Variants in HCN1 observed in about 807,000 individuals in gnomAD.
HCN1 encodes the protein hyperpolarization activated cyclic nucleotide gated potassium channel 1.
A neutral mutation model predicts 78.9 loss-of-function variants in HCN1; 13 were observed. That is an observed-to-expected ratio of 0.16 (90% CI 0.11 to 0.26). The LOEUF (loss-of-function observed/expected upper bound fraction) is 0.26. Ranked by LOEUF, HCN1 falls within the 10% of genes least tolerant of loss-of-function variation. HCN1 has a pLI of 1.00. For synonymous variants in HCN1, 552 were observed against 455.5 expected (o/e 1.21, Z -2.70); for missense variants, 810 against 1,154.3 (o/e 0.70, Z 4.32).
At chr5:45,378,261 T>A (rs974690419) in intron 4 of HCN1, among the ~76,000 whole-genome samples, 8 of 152,068 alleles carry the variant, frequency 5.3e-5, no homozygotes, top group Non-Finnish European at 1.0e-4. Flanking sequence ...ACCCTACCAT[T>A]CAGCATGTTT....
intron 3 of HCN1, among the ~76,000 whole-genome samples, chr5:45,413,859 T>C (rs1393334735): frequency 6.6e-6 from 1 of 151,828 alleles, no homozygotes; most frequent in East Asian, 1.9e-4. Flanking sequence ...TTGAAAAAAA[T>C]AGATTCATAA....
At chr5:45,405,760 G>A (rs1739906685) in intron 3 of HCN1, among the ~76,000 whole-genome samples, 1 of 152,060 alleles carries the variant, frequency 6.6e-6, no homozygotes, top group African/African-American at 2.4e-5. Flanking sequence ...TTGTACCTCT[G>A]ATAACAACCT....
At chr5:45,311,471 T>C (rs185935497) in intron 5 of HCN1, among the ~76,000 whole-genome samples, 46 of 152,276 alleles carry the variant, frequency 3.0e-4, no homozygotes, top group African/African-American at 1.1e-3. Context: ...GAATTGATAA[T>C]TTTTGCTAAT....
chr5:45,581,391 T>C (rs1359729637), intron 2 of HCN1, among the ~76,000 whole-genome samples: 1 of 151,736 alleles, frequency 6.6e-6, no homozygotes, highest in Non-Finnish European at 1.5e-5. Flanking sequence ...TGTAAATTTC[T>C]TTGAGTTCTT....
chr5:45,532,622 T>A (rs890186379), intron 2 of HCN1, among the ~76,000 whole-genome samples: 4 of 152,132 alleles, frequency 2.6e-5, no homozygotes, highest in Admixed American at 1.3e-4. Flanking sequence ...AAACAAATAA[T>A]CAGAGTTTTA....
chr5:45,645,122 G>GAGCAA, intron 2 of HCN1, 63 bp downstream of exon 2: 3 of 1,271,220 alleles, frequency 2.4e-6, no homozygotes, highest in South Asian at 2.5e-5. Flanking sequence ...GTTGTTCATT[G>GAGCAA]TAAAACAGCC....
intron 4 of HCN1, among the ~76,000 whole-genome samples, chr5:45,366,694 T>C (rs1251738662): frequency 1.3e-5 from 2 of 151,776 alleles, no homozygotes; most frequent in East Asian, 1.9e-4. Context: ...TTTAAATGAC[T>C]CACCAGCAAA....
At chr5:45,528,217 C>T (rs557660664) in intron 2 of HCN1, among the ~76,000 whole-genome samples, 1 of 151,956 alleles carries the variant, frequency 6.6e-6, no homozygotes, top group Non-Finnish European at 1.5e-5. Context: ...ATCTGTCTGA[C>T]CTAACTTCCC....
At chr5:45,281,915 T>C (rs1745177643) in intron 6 of HCN1, among the ~76,000 whole-genome samples, 1 of 152,092 alleles carries the variant, frequency 6.6e-6, no homozygotes, top group South Asian at 2.1e-4. Context: ...TGGCTAGCTA[T>C]AGTATATGTT....
At chr5:45,549,718 G>A (rs562873289) in intron 2 of HCN1, among the ~76,000 whole-genome samples, 4,966 of 152,056 alleles carry the variant, frequency 0.033, 254 homozygotes, top group African/African-American at 0.11. Flanking sequence ...GCAACCTACA[G>A]AATGGGAGAA....
intron 2 of HCN1, among the ~76,000 whole-genome samples, chr5:45,620,199 T>C (rs74962473): frequency 2.4e-3 from 370 of 152,156 alleles, no homozygotes; most frequent in Non-Finnish European, 4.2e-3. Flanking sequence ...ACATCATATA[T>C]TCCTAAAGAA....
intron 4 of HCN1, among the ~76,000 whole-genome samples, chr5:45,373,263 AT>A (rs1437183935): frequency 1.7e-5 from 2 of 115,860 alleles, no homozygotes; most frequent in Non-Finnish European, 3.3e-5. Context: ...TTTATATTAT[AT>A]ATTATATATA....
At chr5:45,513,630 C>T (rs1245399846) in intron 2 of HCN1, among the ~76,000 whole-genome samples, 1 of 152,148 alleles carries the variant, frequency 6.6e-6, no homozygotes, top group Non-Finnish European at 1.5e-5. Context: ...CTCACAGGAG[C>T]GTTAAACCTA....
chr5:45,458,765 T>C (rs1306853227), intron 3 of HCN1, among the ~76,000 whole-genome samples: 2 of 152,102 alleles, frequency 1.3e-5, no homozygotes, highest in Non-Finnish European at 2.9e-5. Context: ...CTAAAAACTT[T>C]AGTTTTTCTA....
chr5:45,373,254 T>A lies in HCN1; in HGVS notation c.1231-20008A>T, dbSNP rs1461721617. 6.7e-5 allele frequency among the ~76,000 whole-genome samples: 8 copies of A among 119,462 alleles called. No homozygotes were observed. The East Asian group carries it at 6.8e-4, about 10-fold the overall frequency. 78.4% of individuals were successfully genotyped at this position (119,462 alleles called of 152,430 possible). ...TTTTACATTATATATAATATATATTTTATATTATATATTATATATATTTTA... is the reference window on the plus strand; with the variant it reads ...TTTTACATTATATATAATATATATTATATATTATATATTATATATATTTTA... On this transcript the variant is annotated intron_variant, in intron 4 of 7. Transcript: ENST00000303230.
chr5:45,321,567 C>A (rs952730012), intron 5 of HCN1, among the ~76,000 whole-genome samples: 1 of 151,826 alleles, frequency 6.6e-6, no homozygotes, highest in African/African-American at 2.4e-5. Flanking sequence ...AAAAAAGAGT[C>A]ACTTTTAGCA....
chr5:45,623,359 C>T (rs1745105242), intron 2 of HCN1, among the ~76,000 whole-genome samples: 1 of 152,148 alleles, frequency 6.6e-6, no homozygotes, highest in Admixed American at 6.5e-5. Context: ...TATTTTTAGA[C>T]AAGTTCACTT....
At chr5:45,317,067 T>C (rs532706246) in intron 5 of HCN1, among the ~76,000 whole-genome samples, 5 of 152,180 alleles carry the variant, frequency 3.3e-5, no homozygotes, top group African/African-American at 1.2e-4. Context: ...AAAAAACTAC[T>C]TTAAAGTTCA....
intron 6 of HCN1, among the ~76,000 whole-genome samples, chr5:45,299,096 G>T (rs1202719543): frequency 6.6e-6 from 1 of 151,906 alleles, no homozygotes; most frequent in African/African-American, 2.4e-5. Context: ...GAAATTCCAA[G>T]AAACTTTAAT....
Sources: gnomAD v4.1 joint callset for allele counts (sites outside exome capture counted in the v4.1 genomes callset) on GRCh38, gnomAD v4.1.1 for gene constraint, MANE v1.5 for transcripts, NCBI Gene and HGNC (gene_info 2026-07-23, HGNC 2026-07-21) for gene names.